EHBP1: variants seen among roughly 807,000 people sequenced by gnomAD.
The protein encoded by EHBP1 is EH domain-binding protein 1.
Under a neutral mutation model 144.0 loss-of-function variants are expected in EHBP1, and 55 were observed. The observed-to-expected ratio is 0.38, with a 90% confidence interval of 0.31 to 0.48. The LOEUF is 0.48. EHBP1 is among the 20% of genes least tolerant of loss of function. The probability of loss-of-function intolerance (pLI) is 0.98; values close to 1 mark genes in which losing one functional copy is unlikely to be tolerated. For synonymous variants in EHBP1, 469 were observed against 472.7 expected (o/e 0.99, Z 0.10); for missense variants, 1,200 against 1,364.2 (o/e 0.88, Z 1.90).
Position 62,942,626 on chromosome 2 carries a change from A to G in EHBP1, c.1186-92A>G, listed in dbSNP as rs575409762. The G allele has an allele frequency of 3.1e-5, 35 of 1,125,184 alleles. No individual in the cohort carries two copies. In the African/African-American group the frequency reaches 4.9e-4, roughly 16 times the overall value. 69.7% of individuals were successfully genotyped at this position (1,125,184 alleles called of 1,614,324 possible). The stretch of plus-strand genomic sequence containing the variant: ...TTGTGAAGGATCTAAACTGACATCA[A>G]AGGGTTCAAATGATCTGATTAGGTC... On this transcript the variant is annotated intron_variant, in intron 10 of 22. Transcript: ENST00000431489.
At chr2:62,722,998 G>A (rs1251878267) in intron 2 of EHBP1, among the ~76,000 whole-genome samples, 5 of 152,192 alleles carry the variant, frequency 3.3e-5, no homozygotes, top group Admixed American at 6.5e-5. Flanking sequence ...TTTGGATGGA[G>A]AGTTCTGTAG....
intron 10 of EHBP1, among the ~76,000 whole-genome samples, chr2:62,899,176 GAGA>G (rs2053194974): frequency 6.6e-6 from 1 of 152,172 alleles, no homozygotes; most frequent in African/African-American, 2.4e-5. Flanking sequence ...GGCCTTCACA[GAGA>G]AGATGTTTCA....
intron 20 of EHBP1, 37 bp from the exon 21 acceptor site, chr2:63,038,706 T>A (rs1211351531): frequency 6.4e-7 from 1 of 1,569,618 alleles, no homozygotes; most frequent in Non-Finnish European, 8.8e-7. Context: ...AATGATTTAG[T>A]AATTAGCATA....
chr2:62,783,639 C>G (rs2042608289), intron 5 of EHBP1, among the ~76,000 whole-genome samples: 1 of 152,236 alleles, frequency 6.6e-6, no homozygotes, highest in Non-Finnish European at 1.5e-5. Flanking sequence ...CCCCTTTTAG[C>G]CCTTGCTCAA....
chr2:62,989,138 A>C (rs1056915147), intron 15 of EHBP1, among the ~76,000 whole-genome samples: 2 of 152,154 alleles, frequency 1.3e-5, no homozygotes, highest in African/African-American at 4.8e-5. Context: ...TGTTTAACCC[A>C]AAATTAGAAC....
intron 19 of EHBP1, among the ~76,000 whole-genome samples, chr2:63,007,362 G>A (rs1391807647): frequency 1.3e-5 from 2 of 151,806 alleles, no homozygotes; most frequent in Non-Finnish European, 3.0e-5. Context: ...TTAGCAGGTT[G>A]CTTGTTGACT....
At chr2:62,806,794 C>G (rs920846638) in intron 5 of EHBP1, among the ~76,000 whole-genome samples, 1 of 151,878 alleles carries the variant, frequency 6.6e-6, no homozygotes, top group Admixed American at 6.6e-5. Flanking sequence ...TACAGCTAAT[C>G]CAAGCCCACT....
chr2:62,845,309 A>G (rs1235317883), intron 7 of EHBP1, among the ~76,000 whole-genome samples: 1 of 152,168 alleles, frequency 6.6e-6, no homozygotes, highest in East Asian at 1.9e-4. Context: ...GATTTTTACC[A>G]TAAGCAATGT....
intron 19 of EHBP1, among the ~76,000 whole-genome samples, chr2:63,032,173 A>T (rs2061276791): frequency 6.6e-6 from 1 of 151,852 alleles, no homozygotes; most frequent in Non-Finnish European, 1.5e-5. Flanking sequence ...AACATGGCAG[A>T]TGTATACATA....
At chr2:62,873,475 G>T (rs1414467965) in intron 9 of EHBP1, among the ~76,000 whole-genome samples, 1 of 152,042 alleles carries the variant, frequency 6.6e-6, no homozygotes, top group Non-Finnish European at 1.5e-5. Flanking sequence ...GAAAGGCTAG[G>T]AAACCTGACA....
intron 1 of EHBP1, among the ~76,000 whole-genome samples, chr2:62,695,825 A>T (rs2034068012): frequency 6.6e-6 from 1 of 151,802 alleles, no homozygotes; most frequent in South Asian, 2.1e-4. Flanking sequence ...TGATTCTCCC[A>T]CCCCAGCCTT....
intron 13 of EHBP1, among the ~76,000 whole-genome samples, chr2:62,953,222 A>G (rs2057493157): frequency 6.6e-6 from 1 of 150,942 alleles, no homozygotes; most frequent in Admixed American, 6.6e-5. Flanking sequence ...CGTCTCAAAA[A>G]AAAAAAAAAA....
At chr2:62,881,798 G>A (rs984817972) in intron 10 of EHBP1, 1 of 152,102 alleles carries the variant, frequency 6.6e-6, no homozygotes, top group African/African-American at 2.4e-5. Flanking sequence ...TCTGTGTGTT[G>A]GTCTTAGCAA....
chr2:62,799,192 C>G (rs1165477732), intron 5 of EHBP1, among the ~76,000 whole-genome samples: 1 of 151,976 alleles, frequency 6.6e-6, no homozygotes, highest in African/African-American at 2.4e-5. Context: ...TCCATACAAA[C>G]CATGTTATTC....
chr2:62,767,315 G>A (rs1328818262), intron 4 of EHBP1, among the ~76,000 whole-genome samples: 1 of 152,126 alleles, frequency 6.6e-6, no homozygotes, highest in Non-Finnish European at 1.5e-5. Context: ...AGTGATGGAA[G>A]ATAGTGATAT....
chr2:62,799,243 T>G lies in EHBP1; in HGVS notation c.313-26844T>G, dbSNP rs2043802170. ...AAAGGTTCCCTGTAACCAGGTACAT[T>G]ATCTATATGAAATGTTAGTAATTTG... On this transcript the variant is annotated intron_variant, in intron 5 of 22. Coordinates refer to ENST00000431489, the MANE Select transcript of EHBP1 (RefSeq NM_001142616.3). Among the ~76,000 whole-genome samples the G allele has an allele frequency of 2.6e-5, 4 of 152,176 alleles. No individual in the cohort carries two copies. In the South Asian group the frequency reaches 8.3e-4, roughly 31 times the overall value.
At chr2:62,947,814 G>A (rs2057149962) in intron 12 of EHBP1, among the ~76,000 whole-genome samples, 1 of 151,986 alleles carries the variant, frequency 6.6e-6, no homozygotes, top group Admixed American at 6.6e-5. Flanking sequence ...GGCTTAAATT[G>A]CATTTATTTG....
chr2:63,045,520 C>A lies in EHBP1; in HGVS notation c.*20C>A. 6.3e-7 allele frequency: 1 copy of A among 1,585,554 alleles called. No homozygotes were observed. The highest frequency in any genetic ancestry group is 8.6e-7 in the Non-Finnish European group (1 of 1,156,882). On this transcript the variant is annotated 3_prime_UTR_variant, in exon 23 of 23. Coordinates refer to ENST00000431489, the MANE Select transcript of EHBP1 (RefSeq NM_001142616.3). This position sits in a 1 kb window ranked among gnomAD's most constrained non-coding sequence, Gnocchi z 5.7. ...CAGTAGCCATCAGATCAGAAAGAAT[C>A]TCTCCCAACATTTTAGAGTCTTGCT...
At chr2:62,873,365 G>T (rs1479604072) in intron 9 of EHBP1, among the ~76,000 whole-genome samples, 1 of 152,028 alleles carries the variant, frequency 6.6e-6, no homozygotes, top group Non-Finnish European at 1.5e-5. Context: ...AAAATTCCTG[G>T]AGAATTAAAT....
Sources: allele counts gnomAD v4.1 joint callset (sites outside exome capture counted in the v4.1 genomes callset), GRCh38; gene constraint gnomAD v4.1.1; non-coding constraint Gnocchi (gnomAD v3.1); transcripts MANE v1.5; gene names NCBI Gene and HGNC (gene_info 2026-07-23, HGNC 2026-07-21).